SMG7: variants seen among roughly 807,000 people sequenced by gnomAD.
The protein encoded by SMG7 is nonsense-mediated mRNA decay factor SMG7.
SMG7 carries 34 observed loss-of-function variants against 148.2 expected under a neutral mutation model. The ratio of observed to expected loss-of-function variants is 0.23; its 90% confidence interval spans 0.17 to 0.31. The LOEUF (loss-of-function observed/expected upper bound fraction) is 0.31, where lower values mean the gene tolerates loss of function less well. Among genes scored for constraint, SMG7 ranks in the 10% least tolerant of loss-of-function variants. The pLI, the probability that SMG7 is intolerant of heterozygous loss-of-function variation, is 1.00. For synonymous variants in SMG7, 492 were observed against 515.1 expected, an observed-to-expected ratio of 0.96 and a Z score of 0.61; for missense variants, 1,114 against 1,408.4, an observed-to-expected ratio of 0.79 and a Z score of 3.35.
Position 183,549,286 on chromosome 1 carries a change from C to G in SMG7, c.2971C>G (p.Gln991Glu). Residue 991 changes from glutamine to glutamate, a missense_variant and splice_region_variant, in exon 19 of 23, where the codon CAG (glutamine) becomes GAG (glutamate). Physicochemically the swap from Gln to Glu is conservative, Grantham distance 29. Coordinates refer to ENST00000688051, the MANE Select transcript of SMG7 (RefSeq NM_001375584.1). ...GTCCCTCACCGGATTCTCTCTCAATCAGGTAGGTGAACAATGAAGAATCCT... is the reference window on the plus strand; with the variant it reads ...GTCCCTCACCGGATTCTCTCTCAATGAGGTAGGTGAACAATGAAGAATCCT... ...FLSLTGFSLNQERYPNNSMFN... is the reference protein window; with the variant it reads ...FLSLTGFSLNEERYPNNSMFN... 6.2e-7 allele frequency: 1 copy of G among 1,608,152 alleles called. No homozygotes were observed. Among genetic ancestry groups the G allele is most frequent in the Non-Finnish European group, 8.5e-7 (1 of 1,174,664 alleles).
rs956441514 is a variant in SMG7, at chr1:183,553,443, G to C, written c.*1512G>C. On this transcript the variant is annotated 3_prime_UTR_variant, in exon 23 of 23. Coordinates refer to ENST00000688051, the MANE Select transcript of SMG7 (RefSeq NM_001375584.1). ...GCCCATCTGCTGTCCCAGAGGGGAGGGGTTGTGTGTGCGAGTGTATGGAGT... is the reference window on the plus strand; with the variant it reads ...GCCCATCTGCTGTCCCAGAGGGGAGCGGTTGTGTGTGCGAGTGTATGGAGT... 19 of 487,674 alleles carry C rather than the reference G, an allele frequency of 3.9e-5. No homozygotes were observed. Among genetic ancestry groups the C allele is most frequent in the Non-Finnish European group, 6.7e-5 (18 of 268,260 alleles). The allele number at this position is 487,674 out of a possible 1,614,324, so 30.2% of individuals were successfully genotyped here.
At position 183,515,891 on chromosome 1, in the gene SMG7, G is replaced by T. The variant is rs1206390170; in HGVS notation, c.79G>T (p.Ala27Ser). The change falls in exon 3 of 23, where the codon GCT becomes TCT. Residue 27 changes from alanine to serine, a missense_variant. Physicochemically the swap from Ala to Ser is moderately conservative, Grantham distance 99. This residue lies in a region of SMG7 where 216 missense variants were observed against 329.1 expected (regional missense o/e 0.66). Transcript: ENST00000688051. ...TTACTCAGATTCTAAGCTGGGTCCA[G>T]CTGAAGTCTGGACATCCAGGCAGGC... ...ADMTDSKLGP[A>S]EVWTSRQALQ... The T allele has an allele frequency of 6.2e-7, 1 of 1,612,238 alleles. No homozygotes were observed. The highest frequency in any genetic ancestry group is 1.3e-5 in the African/African-American group (1 of 74,826).
intron 18 of SMG7, among the ~76,000 whole-genome samples, chr1:183,547,698 T>C (rs1670175331): frequency 6.6e-6 from 1 of 152,230 alleles, no homozygotes; most frequent in South Asian, 2.1e-4. Flanking sequence ...GAACAGTATA[T>C]GGCTCTTTTT....
At chr1:183,541,698 T>C (rs1009978219) in intron 13 of SMG7, among the ~76,000 whole-genome samples, 1 of 152,220 alleles carries the variant, frequency 6.6e-6, no homozygotes, top group African/African-American at 2.4e-5. Flanking sequence ...GGTAGTTAAA[T>C]GCTTCCATGT....
chr1:183,486,023 A>T (rs1002283744), intron 1 of SMG7, among the ~76,000 whole-genome samples: 2 of 152,270 alleles, frequency 1.3e-5, no homozygotes, highest in Non-Finnish European at 2.9e-5. Context: ...CTTTCATATG[A>T]CTTTACATTG....
chr1:183,539,586 T>C (rs1163849233), intron 12 of SMG7, among the ~76,000 whole-genome samples: 1 of 152,234 alleles, frequency 6.6e-6, no homozygotes. Flanking sequence ...CCCTTACGCA[T>C]TTTAAACTTT....
chr1:183,521,824 C>T (rs2102525594), intron 4 of SMG7, among the ~76,000 whole-genome samples: 1 of 150,544 alleles, frequency 6.6e-6, no homozygotes, highest in South Asian at 2.1e-4. Context: ...CATATTTGCG[C>T]CACCTGCCTG....
chr1:183,520,689 A>T (rs1482072908), intron 4 of SMG7, among the ~76,000 whole-genome samples: 1 of 152,170 alleles, frequency 6.6e-6, no homozygotes, highest in Non-Finnish European at 1.5e-5. Context: ...TTGAAAAATG[A>T]TTCTTAATCT....
intron 1 of SMG7, 181 bp downstream of exon 1, chr1:183,472,830 G>A: frequency 2.2e-6 from 1 of 457,770 alleles, no homozygotes; most frequent in South Asian, 8.2e-5. Context: ...TGGGTGCCTA[G>A]CCCCTACCGC....
chr1:183,495,609 G>A (rs1414828571), intron 1 of SMG7, among the ~76,000 whole-genome samples: 1 of 152,112 alleles, frequency 6.6e-6, no homozygotes, highest in Non-Finnish European at 1.5e-5. Flanking sequence ...GGTGGCTCAC[G>A]CCCCTAATCC....
intron 1 of SMG7, among the ~76,000 whole-genome samples, chr1:183,476,384 T>G (rs1652192997): frequency 6.6e-6 from 1 of 152,164 alleles, no homozygotes; most frequent in Non-Finnish European, 1.5e-5. Context: ...TGAAAATTAG[T>G]TTTGTCTTGG....
chr1:183,477,307 A>G (rs977995084), intron 1 of SMG7, among the ~76,000 whole-genome samples: 1 of 152,054 alleles, frequency 6.6e-6, no homozygotes, highest in Non-Finnish European at 1.5e-5. Flanking sequence ...ATTTCTTCCT[A>G]TGCTGTGAGT....
chr1:183,548,964 G>A (rs906781573), intron 18 of SMG7: 2 of 521,412 alleles, frequency 3.8e-6, no homozygotes, highest in Non-Finnish European at 6.8e-6. Flanking sequence ...AGGGTCTCTG[G>A]TCCCTGCCAG....
intron 1 of SMG7, among the ~76,000 whole-genome samples, chr1:183,498,586 C>T (rs976097127): frequency 6.6e-6 from 1 of 152,218 alleles, no homozygotes; most frequent in African/African-American, 2.4e-5. Flanking sequence ...TGTGGTTACA[C>T]TCTTGTTTTC....
At chr1:183,530,122 TCA>T (rs1250027948) in intron 8 of SMG7, among the ~76,000 whole-genome samples, 1 of 152,204 alleles carries the variant, frequency 6.6e-6, no homozygotes. Context: ...TAACTTTTTT[TCA>T]GTTCATGTAT....
At chr1:183,498,130 CTAGT>C (rs1182460515) in intron 1 of SMG7, among the ~76,000 whole-genome samples, 3 of 152,138 alleles carry the variant, frequency 2.0e-5, no homozygotes, top group African/African-American at 4.8e-5. Context: ...AATATTGTTG[CTAGT>C]TAATTAACTT....
chr1:183,492,440 T>C (rs547860169), intron 1 of SMG7, among the ~76,000 whole-genome samples: 71 of 152,352 alleles, frequency 4.7e-4, no homozygotes, highest in Non-Finnish European at 9.7e-4. Context: ...TTGACTACTA[T>C]ACTGTCTTGA....
At chr1:183,504,880 A>G (rs891410263) in intron 1 of SMG7, among the ~76,000 whole-genome samples, 11 of 152,186 alleles carry the variant, frequency 7.2e-5, no homozygotes, top group South Asian at 2.1e-4. Flanking sequence ...ACACATTTCT[A>G]TTTAACCTTA....
Position 183,528,909 on chromosome 1 carries a change from T to G in SMG7, c.574T>G (p.Leu192Val). Residue 192 changes from leucine (L) to valine (V), a missense_variant, in exon 7 of 23, where the codon TTG becomes GTG. By Grantham distance (32) the Leu-to-Val change is conservative. Around this residue, in one of 4 missense-constraint regions of SMG7, gnomAD observed 216 missense variants for 329.1 expected, o/e 0.66. Transcript: ENST00000688051. The part of the protein sequence containing the change: ...VPSNGQPYNQ[L>V]AILASSKGDH... ...TCCTGTAGGTCAGCCTTATAATCAG[T>G]TGGCTATCTTAGCTTCTTCCAAAGG... 1 of 1,613,102 alleles carries G rather than the reference T, an allele frequency of 6.2e-7. No individual in the cohort carries two copies. Among genetic ancestry groups the G allele is most frequent in the Non-Finnish European group, 8.5e-7 (1 of 1,179,404 alleles).
Sources: allele counts gnomAD v4.1 joint callset (sites outside exome capture counted in the v4.1 genomes callset), GRCh38; gene constraint gnomAD v4.1.1; regional missense constraint gnomAD v4.1.1; transcripts MANE v1.5; gene names NCBI Gene and HGNC (gene_info 2026-07-23, HGNC 2026-07-21).